The following NRXN3 variants were observed in gnomAD, a reference collection of about 807,000 sequenced individuals.
NRXN3 encodes neurexin III.
Under a neutral mutation model 137.6 loss-of-function variants are expected in NRXN3, and 32 were observed. The ratio of observed to expected loss-of-function variants is 0.23; its 90% CI spans 0.18 to 0.31. The LOEUF (loss-of-function observed/expected upper bound fraction) is 0.31, where lower values mean the gene tolerates loss of function less well. Ranked by LOEUF, NRXN3 falls within the 10% of genes least tolerant of loss-of-function variation. The pLI is 1.00. For synonymous variants in NRXN3, 798 were observed against 784.5 expected (o/e 1.02, Z -0.29); for missense variants, 1,574 against 2,062.5 (o/e 0.76, Z 4.59).
chr14:78,727,886 C>A (rs1357399403), intron 8 of NRXN3, among the ~76,000 whole-genome samples: 1 of 152,080 alleles, frequency 6.6e-6, no homozygotes, highest in Non-Finnish European at 1.5e-5. Context: ...CTTAGGGTAC[C>A]ACTAGACAAG....
intron 8 of NRXN3, among the ~76,000 whole-genome samples, chr14:78,734,253 AC>A (rs1555462790): frequency 8.8e-6 from 1 of 113,582 alleles, no homozygotes; most frequent in African/African-American, 3.0e-5. Flanking sequence ...ACACACACAC[AC>A]CCTTTTCATC....
chr14:78,391,017 G>T (rs1042315819), intron 4 of NRXN3, among the ~76,000 whole-genome samples: 3 of 152,170 alleles, frequency 2.0e-5, no homozygotes, highest in Admixed American at 2.0e-4. Flanking sequence ...CCACTTAAAA[G>T]TGAAAACATG....
intron 4 of NRXN3, among the ~76,000 whole-genome samples, chr14:78,406,988 C>G (rs1218950553): frequency 2.0e-5 from 3 of 152,126 alleles, no homozygotes; most frequent in Non-Finnish European, 4.4e-5. Context: ...TCAACAGGTG[C>G]TCAGTGATAA....
chr14:79,691,212 G>A (rs555291681), intron 17 of NRXN3, among the ~76,000 whole-genome samples: 6 of 151,940 alleles, frequency 3.9e-5, no homozygotes, highest in African/African-American at 7.2e-5. Flanking sequence ...GAAGAGGGGG[G>A]GCATACTGGC....
At chr14:78,249,252 C>G (rs1238163254) in intron 2 of NRXN3, among the ~76,000 whole-genome samples, 1 of 152,224 alleles carries the variant, frequency 6.6e-6, no homozygotes, top group Non-Finnish European at 1.5e-5. Context: ...GTGGATAATG[C>G]TTTGGTCCAA....
intron 19 of NRXN3, among the ~76,000 whole-genome samples, chr14:79,736,921 C>A (rs779425612): frequency 6.6e-6 from 1 of 152,148 alleles, no homozygotes; most frequent in Non-Finnish European, 1.5e-5. Context: ...GTAACTTAAT[C>A]TACTGGAAGT....
At chr14:78,196,001 C>G (rs1566947116) in intron 1 of NRXN3, among the ~76,000 whole-genome samples, 1 of 152,212 alleles carries the variant, frequency 6.6e-6, no homozygotes, top group Non-Finnish European at 1.5e-5. Context: ...GATTCAAACT[C>G]GGATCTGTAT....
intron 15 of NRXN3, among the ~76,000 whole-genome samples, chr14:79,392,586 A>G (rs2094884531): frequency 6.6e-6 from 1 of 152,160 alleles, no homozygotes; most frequent in Admixed American, 6.5e-5. Context: ...CAAACATATG[A>G]AAAAAGCTCA....
At chr14:79,327,408 C>A (rs549542591) in intron 15 of NRXN3, among the ~76,000 whole-genome samples, 6 of 152,304 alleles carry the variant, frequency 3.9e-5, no homozygotes, top group Admixed American at 3.3e-4. Flanking sequence ...CTTTTAAGAA[C>A]TTGTCCTCCT....
chr14:78,463,618 G>A (rs1039828962), intron 4 of NRXN3, among the ~76,000 whole-genome samples: 4 of 145,744 alleles, frequency 2.7e-5, no homozygotes, highest in African/African-American at 1.0e-4. Context: ...ACACATAATA[G>A]ATTATCAATT....
Position 79,033,254 on chromosome 14 carries a change from C to G in NRXN3, c.3262+45113C>G, listed in dbSNP as rs72685497. 8.6e-3 allele frequency among the ~76,000 whole-genome samples: 1,303 copies of G among 152,128 alleles called. 6 individuals are homozygous for G. Among genetic ancestry groups the G allele is most frequent in the Non-Finnish European group, 0.012 (844 of 67,986 alleles). On this transcript the variant is annotated intron_variant, in intron 15 of 20. Transcript: ENST00000335750. Reference sequence around the variant, plus strand: ...TCGTACATTTCACACCTTGTATTTACTTGTTTGCTTCCCTATTCTTCCTTC... The same window carrying G: ...TCGTACATTTCACACCTTGTATTTAGTTGTTTGCTTCCCTATTCTTCCTTC...
chr14:78,397,056 AGT>A (rs2091531810), intron 4 of NRXN3, among the ~76,000 whole-genome samples: 1 of 152,180 alleles, frequency 6.6e-6, no homozygotes, highest in Non-Finnish European at 1.5e-5. Flanking sequence ...CCTATCTCCA[AGT>A]ACAGTTACGT....
At position 79,480,530 on chromosome 14, in the gene NRXN3, TACA is replaced by T. The variant is rs1481360341; in HGVS notation, c.3444+13132_3444+13134del. ...AGATACAGGAGCATATAGCAAAAAC[TACA>T]ACATGATACACTTACGTAAGATGCA... On this transcript the variant is annotated intron_variant, in intron 16 of 20. Transcript: ENST00000335750. 1.5e-4 allele frequency among the ~76,000 whole-genome samples: 23 copies of T among 152,272 alleles called. 1 individual carries two copies. The South Asian group carries it at 4.8e-3, about 32-fold the overall frequency.
chr14:78,823,500 C>T (rs1250393810), intron 10 of NRXN3, among the ~76,000 whole-genome samples: 1 of 152,172 alleles, frequency 6.6e-6, no homozygotes, highest in Non-Finnish European at 1.5e-5. Context: ...CCTTTAAGTT[C>T]TCCTGGCACT....
intron 20 of NRXN3, among the ~76,000 whole-genome samples, chr14:79,839,712 C>A (rs934072980): frequency 3.3e-5 from 5 of 152,142 alleles, no homozygotes; most frequent in Admixed American, 2.6e-4. Flanking sequence ...CCCCAAAAAT[C>A]TTTGCCCATA....
At chr14:78,978,870 G>A (rs1598157612) in intron 14 of NRXN3, among the ~76,000 whole-genome samples, 1 of 151,442 alleles carries the variant, frequency 6.6e-6, no homozygotes, top group South Asian at 2.1e-4. Context: ...CTGTATGCTG[G>A]AGAATAAAAC....
Position 78,172,005 on chromosome 14 carries a change from C to T in NRXN3, c.-704+1331C>T, listed in dbSNP as rs79752530. Among the ~76,000 whole-genome samples, 940 of 152,214 alleles carry T rather than the reference C, an allele frequency of 6.2e-3. 13 individuals are homozygous for T. Among genetic ancestry groups the T allele is most frequent in the East Asian group, 0.048 (247 of 5,172 alleles). ...GGTAGGACAAGAGCTGTCTTCTCCCCGCTTCCTTCGGTTCCCGCTTTGGGG... is the reference window on the plus strand; with the variant it reads ...GGTAGGACAAGAGCTGTCTTCTCCCTGCTTCCTTCGGTTCCCGCTTTGGGG... On this transcript the variant is annotated intron_variant, in intron 1 of 20. Coordinates refer to ENST00000335750, the MANE Select transcript of NRXN3 (RefSeq NM_001330195.2).
chr14:79,542,598 G>T (rs2097284069), intron 16 of NRXN3, among the ~76,000 whole-genome samples: 1 of 152,140 alleles, frequency 6.6e-6, no homozygotes, highest in African/African-American at 2.4e-5. Flanking sequence ...AACCCCACAA[G>T]CATCCTTGTG....
At chr14:78,892,753 A>T (rs557139230) in intron 10 of NRXN3, among the ~76,000 whole-genome samples, 1 of 145,280 alleles carries the variant, frequency 6.9e-6, no homozygotes, top group Non-Finnish European at 1.5e-5. Flanking sequence ...AATTTCAACA[A>T]CTCGGTAATG....
Sources: gnomAD v4.1 joint callset for allele counts (sites outside exome capture counted in the v4.1 genomes callset) on GRCh38, gnomAD v4.1.1 for gene constraint, MANE v1.5 for transcripts, NCBI Gene and HGNC (gene_info 2026-07-23, HGNC 2026-07-21) for gene names.